The following CDH13 variants were observed in gnomAD, a reference collection of about 807,000 sequenced individuals.
CDH13 encodes the protein cadherin-13.
CDH13 carries 24 observed loss-of-function variants against 63.8 expected under a neutral mutation model. That is an observed-to-expected ratio of 0.38 (90% confidence interval 0.27 to 0.53). CDH13 has a LOEUF of 0.53. Among genes scored for constraint, CDH13 ranks in the 20% least tolerant of loss-of-function variants. CDH13 has a pLI of 0.85. For missense variants in CDH13, 1,049 were observed against 903.1 expected, an observed-to-expected ratio of 1.16 and a Z score of -2.07; for synonymous variants, 503 against 355.3, an observed-to-expected ratio of 1.42 and a Z score of -4.67.
intron 3 of CDH13, among the ~76,000 whole-genome samples, chr16:83,040,839 T>C (rs1478378684): frequency 6.6e-6 from 1 of 152,234 alleles, no homozygotes; most frequent in East Asian, 1.9e-4. Flanking sequence ...GATTGCATTG[T>C]TAAATCCAGA....
intron 7 of CDH13, among the ~76,000 whole-genome samples, chr16:83,488,083 A>G (rs2073932954): frequency 6.6e-6 from 1 of 152,204 alleles, no homozygotes; most frequent in African/African-American, 2.4e-5. Context: ...CACTAGTCAC[A>G]TGGGGTTATT....
At chr16:83,517,305 A>T (rs2074720039) in intron 7 of CDH13, among the ~76,000 whole-genome samples, 1 of 152,262 alleles carries the variant, frequency 6.6e-6, no homozygotes, top group Non-Finnish European at 1.5e-5. Flanking sequence ...GGGCTAGATT[A>T]GGTTATGCTG....
intron 2 of CDH13, among the ~76,000 whole-genome samples, chr16:82,926,291 A>T (rs955528606): frequency 6.6e-6 from 1 of 152,128 alleles, no homozygotes; most frequent in Non-Finnish European, 1.5e-5. Flanking sequence ...TTCCAAAAAA[A>T]AAAAAGAAAA....
At chr16:82,836,917 A>G (rs2038792153) in intron 1 of CDH13, among the ~76,000 whole-genome samples, 1 of 152,214 alleles carries the variant, frequency 6.6e-6, no homozygotes, top group Non-Finnish European at 1.5e-5. Context: ...AGGGATATTT[A>G]TCACCCTTGA....
chr16:83,778,142 G>T (rs1455989031), intron 11 of CDH13, among the ~76,000 whole-genome samples: 2 of 152,190 alleles, frequency 1.3e-5, no homozygotes, highest in Non-Finnish European at 2.9e-5. Flanking sequence ...TTTGTCCCAA[G>T]AGCAAACCTC....
chr16:82,990,316 C>T (rs908993232), intron 2 of CDH13: 1 of 152,146 alleles, frequency 6.6e-6, no homozygotes, highest in African/African-American at 2.4e-5. Flanking sequence ...TTTTGTTTCT[C>T]TTGGAATGAC....
chr16:82,820,354 C>T (rs747690888), intron 1 of CDH13, among the ~76,000 whole-genome samples: 6 of 152,204 alleles, frequency 3.9e-5, no homozygotes, highest in East Asian at 1.9e-4. Flanking sequence ...GCCTCAGATA[C>T]TGTTCTAAAT....
In CDH13 at chr16:82,740,658, C is replaced by T. The variant is rs79740453; in HGVS notation, c.45+113521C>T. Among the ~76,000 whole-genome samples the T allele has an allele frequency of 5.5e-4, 84 of 152,290 alleles. No individual in the cohort carries two copies. In the East Asian group the frequency reaches 0.013, roughly 23 times the overall value. On this transcript the variant is annotated intron_variant, in intron 1 of 13. Coordinates refer to ENST00000567109, the MANE Select transcript of CDH13 (RefSeq NM_001257.5). ...GGACGTCTCATTCTTCTGAGGACAG[C>T]GTGCTCCTTCGGAAACATTCTTTTC...
chr16:82,680,075 C>T (rs1320230766), intron 1 of CDH13, among the ~76,000 whole-genome samples: 1 of 152,142 alleles, frequency 6.6e-6, no homozygotes, highest in African/African-American at 2.4e-5. Flanking sequence ...CTCATCCCTC[C>T]ACTGGGGAAG....
chr16:83,348,880 T>G (rs2090894130), intron 6 of CDH13, among the ~76,000 whole-genome samples: 1 of 152,220 alleles, frequency 6.6e-6, no homozygotes, highest in African/African-American at 2.4e-5. Context: ...AGTGCAATTA[T>G]TATTTTTATT....
chr16:82,720,932 G>C (rs990759273), intron 1 of CDH13, among the ~76,000 whole-genome samples: 1 of 152,194 alleles, frequency 6.6e-6, no homozygotes, highest in African/African-American at 2.4e-5. Flanking sequence ...GAATAAATGA[G>C]TGAGTGAGGT....
chr16:82,770,923 G>A (rs574543615), intron 1 of CDH13, among the ~76,000 whole-genome samples: 2 of 152,190 alleles, frequency 1.3e-5, no homozygotes, highest in Admixed American at 6.5e-5. Context: ...GCCCAGGCTG[G>A]TCTTGAACTA....
At chr16:83,148,663 C>T (rs1439848890) in intron 4 of CDH13, among the ~76,000 whole-genome samples, 1 of 152,122 alleles carries the variant, frequency 6.6e-6, no homozygotes, top group Non-Finnish European at 1.5e-5. Context: ...TTAACTATTG[C>T]AGTATGGTGT....
intron 10 of CDH13, among the ~76,000 whole-genome samples, chr16:83,692,109 C>A (rs916505249): frequency 2.0e-5 from 3 of 152,220 alleles, no homozygotes; most frequent in Admixed American, 1.3e-4. Context: ...CAAACTGAAG[C>A]CAGAGAAGCG....
At chr16:82,992,055 G>A (rs562204827) in intron 2 of CDH13, among the ~76,000 whole-genome samples, 4 of 152,126 alleles carry the variant, frequency 2.6e-5, no homozygotes, top group African/African-American at 4.8e-5. Context: ...GAGCATTGAG[G>A]AAGAAGAAGA....
intron 1 of CDH13, among the ~76,000 whole-genome samples, chr16:82,801,202 C>G (rs958705944): frequency 1.3e-5 from 2 of 152,118 alleles, no homozygotes; most frequent in Non-Finnish European, 2.9e-5. Flanking sequence ...AGAAGGATGG[C>G]CACCAACACC....
chr16:82,869,183 A>G (rs2040257273), intron 2 of CDH13, among the ~76,000 whole-genome samples: 3 of 152,090 alleles, frequency 2.0e-5, no homozygotes, highest in Admixed American at 2.0e-4. Flanking sequence ...AGTAGCTGGG[A>G]CTACAGAAGT....
chr16:83,476,731 T>A (rs1466375273), intron 6 of CDH13, among the ~76,000 whole-genome samples: 1 of 152,200 alleles, frequency 6.6e-6, no homozygotes, highest in Non-Finnish European at 1.5e-5. Context: ...CGTGTCCTTT[T>A]GTTGTTTTTA....
chr16:82,815,025 C>G (rs1186775780), intron 1 of CDH13, among the ~76,000 whole-genome samples: 3 of 150,848 alleles, frequency 2.0e-5, no homozygotes, highest in African/African-American at 4.9e-5. Context: ...TTTTTCTATC[C>G]TTCATATTGG....
Sources: gnomAD v4.1 joint callset for allele counts (sites outside exome capture counted in the v4.1 genomes callset) on GRCh38, gnomAD v4.1.1 for gene constraint, MANE v1.5 for transcripts, NCBI Gene and HGNC (gene_info 2026-07-23, HGNC 2026-07-21) for gene names.